DAP3: variants seen among roughly 807,000 people sequenced by gnomAD.
DAP3 encodes small ribosomal subunit protein mS29.
Under a neutral mutation model 51.9 loss-of-function variants are expected in DAP3, and 28 were observed. The observed-to-expected ratio is 0.54, with a 90% CI of 0.40 to 0.74. DAP3 has a LOEUF of 0.74. DAP3 is among the 30% of genes least tolerant of loss of function. The pLI is 0.00. For missense variants in DAP3, 458 were observed against 483.5 expected (o/e 0.95, Z 0.49); for synonymous variants, 170 against 170.3 (o/e 1.00, Z 0.01).
chr1:155,708,182 G>T (rs1478451745), intron 1 of DAP3, among the ~76,000 whole-genome samples: 1 of 152,058 alleles, frequency 6.6e-6, no homozygotes, highest in African/African-American at 2.4e-5. Flanking sequence ...CGAGTAGCTG[G>T]GATTACCGGT....
intron 1 of DAP3, among the ~76,000 whole-genome samples, chr1:155,701,565 T>C (rs1316994532): frequency 1.6e-5 from 2 of 123,484 alleles, no homozygotes; most frequent in Admixed American, 8.4e-5. Flanking sequence ...GTCCTCTGCC[T>C]AGGAAAACCA....
intron 1 of DAP3, among the ~76,000 whole-genome samples, chr1:155,701,058 G>A (rs972348098): frequency 7.4e-6 from 1 of 135,246 alleles, no homozygotes; most frequent in Non-Finnish European, 1.5e-5. Flanking sequence ...AGGTGGGGGG[G>A]GGTCAGCCCC....
intron 1 of DAP3, chr1:155,689,496 C>T (rs1415572242): frequency 1.3e-5 from 6 of 454,246 alleles, no homozygotes; most frequent in African/African-American, 2.0e-5. Context: ...AAACCATGTG[C>T]TTCTCATTCA....
intron 1 of DAP3, among the ~76,000 whole-genome samples, chr1:155,703,417 A>G (rs1655557749): frequency 6.6e-6 from 1 of 152,190 alleles, no homozygotes; most frequent in South Asian, 2.1e-4. Context: ...CATGAACGGT[A>G]TGGGGAAACC....
intron 9 of DAP3, among the ~76,000 whole-genome samples, chr1:155,729,775 T>A (rs143453428): frequency 6.6e-6 from 1 of 151,682 alleles, no homozygotes; most frequent in Non-Finnish European, 1.5e-5. Flanking sequence ...CAGAGTGAAA[T>A]CCTGTCTCTT....
chr1:155,708,110 C>T (rs903499726), intron 1 of DAP3, among the ~76,000 whole-genome samples: 13 of 152,154 alleles, frequency 8.5e-5, no homozygotes, highest in African/African-American at 2.4e-4. Context: ...TGCAATGGCA[C>T]GATCTCGGCT....
intron 4 of DAP3, among the ~76,000 whole-genome samples, chr1:155,725,100 A>G (rs1658427079): frequency 6.6e-6 from 1 of 152,190 alleles, no homozygotes; most frequent in Admixed American, 6.5e-5. Flanking sequence ...AGATATATCA[A>G]TTATTTATAG....
At chr1:155,733,764 GA>G (rs1299911110) in intron 11 of DAP3, among the ~76,000 whole-genome samples, 3 of 152,136 alleles carry the variant, frequency 2.0e-5, no homozygotes, top group African/African-American at 7.2e-5. Flanking sequence ...TTGAACCCAG[GA>G]GGCGGAGGTT....
At chr1:155,705,712 A>T (rs976800146) in intron 1 of DAP3, among the ~76,000 whole-genome samples, 5 of 149,478 alleles carry the variant, frequency 3.3e-5, no homozygotes, top group East Asian at 1.9e-4. Flanking sequence ...TTATTTATTT[A>T]TTTTTTGAGA....
intron 6 of DAP3, 121 bp from the exon 7 acceptor site, chr1:155,727,484 AAAG>A (rs1658736056): frequency 1.1e-5 from 12 of 1,092,044 alleles, no homozygotes; most frequent in South Asian, 2.5e-5. Flanking sequence ...AAAAAAAAAA[AAAG>A]AAAAGAAATA....
At chr1:155,737,979 A>C (rs1659979071) in intron 12 of DAP3, among the ~76,000 whole-genome samples, 178 bp from the exon 13 acceptor site, 1 of 152,196 alleles carries the variant, frequency 6.6e-6, no homozygotes. Context: ...AAAAGGAAGT[A>C]ATGCATACAA....
chr1:155,710,177 T>C (rs954607145), intron 2 of DAP3: 1 of 180,512 alleles, frequency 5.5e-6, no homozygotes, highest in Non-Finnish European at 1.1e-5. Flanking sequence ...AAAAAGACCA[T>C]TCTGCTGGTT....
intron 2 of DAP3, among the ~76,000 whole-genome samples, chr1:155,714,918 G>C (rs961591689): frequency 3.9e-5 from 6 of 152,136 alleles, no homozygotes; most frequent in East Asian, 1.9e-4. Flanking sequence ...AAGCTGCTTG[G>C]TAGGCTGGGC....
chr1:155,702,757 T>A (rs1655469424), intron 1 of DAP3, among the ~76,000 whole-genome samples: 1 of 152,070 alleles, frequency 6.6e-6, no homozygotes, highest in South Asian at 2.1e-4. Flanking sequence ...GATCATGAGG[T>A]CAGGAGGTGA....
intron 3 of DAP3, among the ~76,000 whole-genome samples, chr1:155,718,701 AAGAAAGATAGAT>A (rs1220224018): frequency 4.5e-5 from 6 of 134,262 alleles, no homozygotes; most frequent in Non-Finnish European, 9.9e-5. Context: ...AAAAAAAAGA[AAGAAAGATAGAT>A]AGATAGATAG....
chr1:155,702,165 A>AG (rs1163063784), intron 1 of DAP3, among the ~76,000 whole-genome samples: 3 of 146,954 alleles, frequency 2.0e-5, no homozygotes, highest in Non-Finnish European at 3.0e-5. Context: ...AAAAAAAAAA[A>AG]AAAAAGAAAA....
intron 11 of DAP3, among the ~76,000 whole-genome samples, chr1:155,734,759 A>C (rs1659588999): frequency 6.6e-6 from 1 of 152,298 alleles, no homozygotes; most frequent in Admixed American, 6.5e-5. Flanking sequence ...ATGTTTATAC[A>C]CATCCACACA....
At chr1:155,719,633 C>T (rs1294840812) in intron 3 of DAP3, among the ~76,000 whole-genome samples, 1 of 152,084 alleles carries the variant, frequency 6.6e-6, no homozygotes, top group African/African-American at 2.4e-5. Context: ...CCTGCATCCT[C>T]CACCTCCCGG....
intron 5 of DAP3, 54 bp downstream of exon 5, chr1:155,725,544 AT>A (rs1172196636): frequency 6.8e-7 from 1 of 1,480,100 alleles, no homozygotes; most frequent in African/African-American, 1.4e-5. Context: ...CTCCCCTCAA[AT>A]AAGGCAACAG....
Sources: allele counts gnomAD v4.1 joint callset (sites outside exome capture counted in the v4.1 genomes callset), GRCh38; gene constraint gnomAD v4.1.1; transcripts MANE v1.5; gene names NCBI Gene and HGNC (gene_info 2026-07-23, HGNC 2026-07-21).